ARID1B: variants seen among roughly 807,000 people sequenced by gnomAD.
ARID1B encodes the protein AT-rich interaction domain 1B.
A neutral mutation model predicts 212.3 loss-of-function variants in ARID1B; 30 were observed. That is an observed-to-expected ratio of 0.14 (90% CI 0.11 to 0.19). The LOEUF (loss-of-function observed/expected upper bound fraction) is 0.19. Among genes scored for constraint, ARID1B ranks in the 10% least tolerant of loss-of-function variants. ARID1B has a pLI of 1.00. For synonymous variants in ARID1B, 1,402 were observed against 1,301.7 expected (o/e 1.08, Z -1.66); for missense variants, 2,891 against 3,204.0 (o/e 0.90, Z 2.36).
At chr6:156,836,149 GAAC>G (rs1783495531) in intron 2 of ARID1B, among the ~76,000 whole-genome samples, 1 of 152,100 alleles carries the variant, frequency 6.6e-6, no homozygotes, top group Non-Finnish European at 1.5e-5. Flanking sequence ...AACAAACACT[GAAC>G]AACAACGGAA....
rs1789947966 is a variant in ARID1B at position 157,148,338 on chromosome 6, GT to G, written c.2762-280del. On this transcript the variant is annotated intron_variant, in intron 7 of 19. Coordinates refer to ENST00000636930, the MANE Select transcript of ARID1B (RefSeq NM_001374828.1). The surrounding 1 kb of genome is among the most constrained non-coding windows in gnomAD (Gnocchi z 5.6). ...TGTCCCTTGCCTATTCATAGGGTTT[GT>G]TTTTTGTTTTTTTGTTTGTTTCTTT... Among the ~76,000 whole-genome samples, 1 of 152,020 alleles carries G rather than the reference GT, an allele frequency of 6.6e-6. No individual in the cohort carries two copies. Among genetic ancestry groups the G allele is most frequent in the Non-Finnish European group, 1.5e-5 (1 of 67,988 alleles).
chr6:157,087,717 G>A (rs1415993792), intron 5 of ARID1B, among the ~76,000 whole-genome samples: 1 of 151,770 alleles, frequency 6.6e-6, no homozygotes, highest in Non-Finnish European at 1.5e-5. Flanking sequence ...GACTTGGTGT[G>A]TTTGCTGAGG....
At chr6:156,812,935 T>G (rs9480391) in intron 1 of ARID1B, among the ~76,000 whole-genome samples, 3,715 of 46,754 alleles carry the variant, frequency 0.079, 169 homozygotes, top group African/African-American at 0.31. Context: ...TAATCCTGGG[T>G]GTGTGTGTGT....
chr6:156,849,647 T>A (rs1318176192), intron 2 of ARID1B, among the ~76,000 whole-genome samples: 1 of 152,212 alleles, frequency 6.6e-6, no homozygotes, highest in Non-Finnish European at 1.5e-5. Flanking sequence ...ATTTTCTCCT[T>A]CTTTTCTTGT....
At position 157,084,674 on chromosome 6, in the gene ARID1B, T is replaced by C; in HGVS notation, c.2260T>C (p.Ser754Pro). 1 of 1,614,186 alleles carries C rather than the reference T, an allele frequency of 6.2e-7. No individual in the cohort carries two copies. Among genetic ancestry groups the C allele is most frequent in the Non-Finnish European group, 8.5e-7 (1 of 1,180,014 alleles). ...RPSSLPDLSG[S>P]IDDLPTGTEA... ...TTTCCTTTCTTAGGATCTGTCTGGCTCCATTGATGACCTCCCCACGGGAAC... is the reference window on the plus strand; with the variant it reads ...TTTCCTTTCTTAGGATCTGTCTGGCCCCATTGATGACCTCCCCACGGGAAC... Residue 754 changes from serine to proline, a missense_variant, in exon 5 of 20, where the codon TCC becomes CCC. Coordinates refer to ENST00000636930, the MANE Select transcript of ARID1B (RefSeq NM_001374828.1).
chr6:156,912,606 CCT>C (rs1363908258), intron 3 of ARID1B, among the ~76,000 whole-genome samples: 1 of 152,196 alleles, frequency 6.6e-6, no homozygotes, highest in Admixed American at 6.5e-5. Flanking sequence ...AAGCCCTGCC[CCT>C]CACTCTGAGC....
At chr6:156,930,141 C>G (rs1262401001) in intron 3 of ARID1B, among the ~76,000 whole-genome samples, 1 of 152,178 alleles carries the variant, frequency 6.6e-6, no homozygotes, top group African/African-American at 2.4e-5. Flanking sequence ...CCACCCAAAT[C>G]TCATGTCTAA....
At chr6:157,193,164 T>G (rs1793500419) in intron 15 of ARID1B, among the ~76,000 whole-genome samples, 1 of 152,192 alleles carries the variant, frequency 6.6e-6, no homozygotes, top group African/African-American at 2.4e-5. Context: ...GAATTTATAT[T>G]ATTATCTGTA....
At chr6:157,061,169 T>G (rs1428441323) in intron 4 of ARID1B, among the ~76,000 whole-genome samples, 1 of 152,240 alleles carries the variant, frequency 6.6e-6, no homozygotes, top group African/African-American at 2.4e-5. Context: ...ATATCCTATT[T>G]GTGTCTTTCT....
chr6:157,010,088 A>G (rs779784261), intron 4 of ARID1B, among the ~76,000 whole-genome samples: 2 of 152,068 alleles, frequency 1.3e-5, no homozygotes, highest in Non-Finnish European at 2.9e-5. Context: ...AACTGTTTGG[A>G]TTTTCTTAGC....
chr6:157,030,912 G>A (rs112278011), intron 4 of ARID1B, among the ~76,000 whole-genome samples: 8 of 152,272 alleles, frequency 5.3e-5, no homozygotes, highest in South Asian at 2.1e-4. Context: ...CGAGGCTACC[G>A]TGCGTGTTCT....
intron 3 of ARID1B, among the ~76,000 whole-genome samples, chr6:156,934,864 A>C (rs1453992060): frequency 7.2e-6 from 1 of 139,602 alleles, no homozygotes; most frequent in Admixed American, 7.4e-5. Context: ...TTCCTGCAAA[A>C]CTCAAATACA....
At chr6:157,018,212 C>CTTTTTTTTTTGTTT (rs1780023993) in intron 4 of ARID1B, among the ~76,000 whole-genome samples, 1 of 72,432 alleles carries the variant, frequency 1.4e-5, no homozygotes, top group African/African-American at 6.5e-5. Context: ...AAGTAGTATG[C>CTTTTTTTTTTGTTT]TTTTTTTTTT....
chr6:156,975,401 A>G (rs566992506), intron 4 of ARID1B, among the ~76,000 whole-genome samples: 1 of 152,274 alleles, frequency 6.6e-6, no homozygotes, highest in South Asian at 2.1e-4. Flanking sequence ...TATCATATAT[A>G]TGATTTGCAG....
At chr6:157,175,477 A>G (rs1164146563) in intron 11 of ARID1B, 2 of 152,188 alleles carry the variant, frequency 1.3e-5, no homozygotes, top group African/African-American at 4.8e-5. Flanking sequence ...TAAATACTCA[A>G]TTTGGGTATG....
intron 2 of ARID1B, among the ~76,000 whole-genome samples, chr6:156,864,333 T>C (rs1015128438): frequency 1.1e-4 from 17 of 152,188 alleles, no homozygotes; most frequent in Admixed American, 1.0e-3. Flanking sequence ...AGAGGTGTGC[T>C]TCGGGCAGTG....
chr6:157,184,227 C>T lies in ARID1B; in HGVS notation c.3715-4C>T. 1 of 1,597,630 alleles carries T rather than the reference C, an allele frequency of 6.3e-7. No individual in the cohort carries two copies. On this transcript the variant is annotated splice_polypyrimidine_tract_variant and splice_region_variant and intron_variant, in intron 12 of 19. Transcript: ENST00000636930. ...ACCAATGATCCTGCCGTGTTTTTCACTAGGTTAATAAAAACAAGAAGTGGC... is the reference window on the plus strand; with the variant it reads ...ACCAATGATCCTGCCGTGTTTTTCATTAGGTTAATAAAAACAAGAAGTGGC...
rs56189333 is a variant in ARID1B, at chr6:156,987,159, C to CAGAGAGAG, written c.2247+51615_2247+51622dup. On this transcript the variant is annotated intron_variant, in intron 4 of 19. Transcript: ENST00000636930. ...TGCCACTTCACTGTAGCCTCGGTGA[C>CAGAGAGAG]AGAGAGAGAGAGAGAGAGAGAGAGA... Among the ~76,000 whole-genome samples, 472 of 141,608 alleles carry CAGAGAGAG rather than the reference C, an allele frequency of 3.3e-3. 2 individuals carry two copies. Among genetic ancestry groups the CAGAGAGAG allele is most frequent in the African/African-American group, 0.011 (422 of 37,634 alleles). The allele number at this position is 141,608 out of a possible 152,430, so 92.9% of individuals were successfully genotyped here. A position where few individuals can be genotyped will look rare whatever the true frequency, so the allele number is the denominator to read the frequency against.
rs1426544867 is a variant in ARID1B at position 156,822,253 on chromosome 6, C to T, written c.1792-6974C>T. ...AGAAGAACTTCTGTGTGTTGATACC[C>T]ACATTCGAAGTTCCAACGTGTTAGT... is the stretch of plus-strand genomic sequence containing the variant. On this transcript the variant is annotated intron_variant, in intron 1 of 19. Coordinates refer to ENST00000636930, the MANE Select transcript of ARID1B (RefSeq NM_001374828.1). 2.0e-5 allele frequency among the ~76,000 whole-genome samples: 3 copies of T among 152,176 alleles called. No individual in the cohort carries two copies. The East Asian group carries it at 5.8e-4, about 29-fold the overall frequency.
Sources: gnomAD v4.1 joint callset for allele counts (sites outside exome capture counted in the v4.1 genomes callset) on GRCh38, gnomAD v4.1.1 for gene constraint, Gnocchi (gnomAD v3.1) non-coding constraint, MANE v1.5 for transcripts, NCBI Gene and HGNC (gene_info 2026-07-23, HGNC 2026-07-21) for gene names.